Variants in VAT1L observed in about 807,000 individuals in gnomAD.
VAT1L encodes the protein putative NADPH-dependent quinone oxidoreductase VAT1L.
VAT1L carries 34 observed loss-of-function variants against 44.1 expected under a neutral mutation model. The observed-to-expected ratio is 0.77, with a 90% CI of 0.59 to 1.03. The LOEUF is 1.03. Ranked by LOEUF, VAT1L falls within the 50% of genes least tolerant of loss-of-function variation. The pLI, the probability that VAT1L is intolerant of heterozygous loss-of-function variation, is 0.00. For synonymous variants in VAT1L, 253 were observed against 202.2 expected, an observed-to-expected ratio of 1.25 and a Z score of -2.13; for missense variants, 615 against 538.8, an observed-to-expected ratio of 1.14 and a Z score of -1.40.
At position 77,884,740 on chromosome 16, in the gene VAT1L, A is replaced by G. The variant is rs1248976371; in HGVS notation, c.1015A>G (p.Ile339Val). 2 of 1,599,378 alleles carry G rather than the reference A, an allele frequency of 1.3e-6. No homozygotes were observed. The highest frequency in any genetic ancestry group is 2.7e-5 in the African/African-American group (2 of 74,304). Residue 339 changes from isoleucine (I) to valine (V), a missense_variant, in exon 7 of 9, where the codon ATA becomes GTA. By Grantham distance (29) the Ile-to-Val change is conservative. Transcript: ENST00000302536. The surrounding 1 kb of genome is among the most constrained non-coding windows in gnomAD (Gnocchi z 4.5). ...CATTCGGGGAGTGGTGGAAAAACTCATAGGGCTCTACAACCAGAAGAAGAT... is the reference window on the plus strand; with the variant it reads ...CATTCGGGGAGTGGTGGAAAAACTCGTAGGGCTCTACAACCAGAAGAAGAT... Reference protein sequence around the residue: ...GLIRGVVEKLIGLYNQKKIKP... With the variant: ...GLIRGVVEKLVGLYNQKKIKP...
rs1382694179 is a variant in VAT1L at position 77,859,646 on chromosome 16, T to C, written c.580-3102T>C. 2.0e-5 allele frequency among the ~76,000 whole-genome samples: 3 copies of C among 152,246 alleles called. No homozygotes were observed. In the South Asian group the frequency reaches 6.2e-4, roughly 32 times the overall value. On this transcript the variant is annotated intron_variant, in intron 3 of 8. Transcript: ENST00000302536. The stretch of plus-strand genomic sequence containing the variant: ...CAGGTCAGGTGGAGGAGTGTTGTCA[T>C]AGTCCAGGGTGAGAAATGTGATGAT...
chr16:77,960,970 G>C (rs2018154165), intron 7 of VAT1L, among the ~76,000 whole-genome samples: 1 of 152,076 alleles, frequency 6.6e-6, no homozygotes, highest in Admixed American at 6.5e-5. Context: ...GATGGCATGA[G>C]TTCAGCTCCA....
intron 7 of VAT1L, among the ~76,000 whole-genome samples, chr16:77,935,499 TAA>T (rs35559626): frequency 0.046 from 5,323 of 115,794 alleles, 115 homozygotes; most frequent in African/African-American, 0.072. Flanking sequence ...TGACGGTTTA[TAA>T]AAAAAAAAAA....
intron 1 of VAT1L, among the ~76,000 whole-genome samples, chr16:77,816,576 A>T (rs936195202): frequency 1.3e-5 from 2 of 152,206 alleles, no homozygotes; most frequent in Non-Finnish European, 2.9e-5. Context: ...AAGAACTCTG[A>T]TAGCCAGGCT....
At chr16:77,972,624 T>C (rs1322147860) in intron 8 of VAT1L, among the ~76,000 whole-genome samples, 1 of 151,772 alleles carries the variant, frequency 6.6e-6, no homozygotes, top group Non-Finnish European at 1.5e-5. Context: ...CTACTAAAAA[T>C]ACAAAAATTA....
intron 7 of VAT1L, among the ~76,000 whole-genome samples, chr16:77,890,922 GAAA>G (rs57157062): frequency 6.2e-5 from 8 of 129,140 alleles, no homozygotes; most frequent in Non-Finnish European, 1.0e-4. Context: ...AGACCCTGTC[GAAA>G]AAAAAAAAAA....
At chr16:77,939,141 T>C (rs1356918182) in intron 7 of VAT1L, among the ~76,000 whole-genome samples, 2 of 152,192 alleles carry the variant, frequency 1.3e-5, no homozygotes, top group Non-Finnish European at 2.9e-5. Flanking sequence ...CTTCCTCTGC[T>C]AGCTAAACAG....
At chr16:77,974,246 T>A (rs1001260943) in intron 8 of VAT1L, among the ~76,000 whole-genome samples, 7 of 151,938 alleles carry the variant, frequency 4.6e-5, no homozygotes, top group Admixed American at 4.6e-4. Flanking sequence ...GGATCCTGAG[T>A]CTCCTGTACA....
chr16:77,794,041 G>C (rs959941686), intron 1 of VAT1L, among the ~76,000 whole-genome samples: 34 of 152,196 alleles, frequency 2.2e-4, no homozygotes, highest in Admixed American at 1.5e-3. Flanking sequence ...AAGTGGAAGA[G>C]CCATGTGAAC....
At chr16:77,826,420 A>T (rs976275662) in intron 3 of VAT1L, among the ~76,000 whole-genome samples, 1 of 152,172 alleles carries the variant, frequency 6.6e-6, no homozygotes, top group Admixed American at 6.5e-5. Flanking sequence ...ATTAATTTGT[A>T]TTCTGCTATA....
chr16:77,907,597 T>C (rs1485915198), intron 7 of VAT1L, among the ~76,000 whole-genome samples: 2 of 146,354 alleles, frequency 1.4e-5, no homozygotes, highest in Admixed American at 1.4e-4. Context: ...CCCAGCACTC[T>C]ATTACTTCCA....
At chr16:77,964,367 T>C (rs1311994661) in intron 7 of VAT1L, among the ~76,000 whole-genome samples, 2 of 152,076 alleles carry the variant, frequency 1.3e-5, no homozygotes, top group African/African-American at 2.4e-5. Flanking sequence ...TAAGGGAGAA[T>C]TTATTTCCTT....
chr16:77,943,457 C>T (rs1165775424), intron 7 of VAT1L, among the ~76,000 whole-genome samples: 7 of 140,428 alleles, frequency 5.0e-5, no homozygotes, highest in East Asian at 4.4e-4. Flanking sequence ...TGGAGTGCAG[C>T]GGCACCATCA....
At chr16:77,891,368 C>A (rs192740438) in intron 7 of VAT1L, among the ~76,000 whole-genome samples, 5,335 of 151,870 alleles carry the variant, frequency 0.035, 327 homozygotes, top group African/African-American at 0.12. Context: ...AACAAACAAA[C>A]AAAAAAATTC....
intron 4 of VAT1L, among the ~76,000 whole-genome samples, chr16:77,873,200 C>A (rs941838176): frequency 7.2e-5 from 11 of 152,206 alleles, no homozygotes; most frequent in Non-Finnish European, 1.3e-4. Context: ...AAAAGGCCAT[C>A]ATCTCTGGAG....
intron 3 of VAT1L, among the ~76,000 whole-genome samples, chr16:77,830,583 T>A (rs1048884780): frequency 6.6e-5 from 10 of 152,240 alleles, no homozygotes; most frequent in African/African-American, 2.4e-4. Context: ...GCACAAGCTC[T>A]CTTCCCTGCT....
At chr16:77,828,271 A>G (rs963778734) in intron 3 of VAT1L, among the ~76,000 whole-genome samples, 4 of 152,210 alleles carry the variant, frequency 2.6e-5, no homozygotes, top group Admixed American at 6.5e-5. Context: ...TTACCTGGCA[A>G]AAGGAACTTT....
At chr16:77,823,349 C>G (rs1356308511) in intron 2 of VAT1L, among the ~76,000 whole-genome samples, 3 of 152,152 alleles carry the variant, frequency 2.0e-5, no homozygotes, top group Non-Finnish European at 4.4e-5. Flanking sequence ...AGATTTTCCT[C>G]TAAGCCCTAT....
In VAT1L at chr16:77,862,800, G is replaced by T; in HGVS notation, c.632G>T (p.Gly211Val). 1 of 1,613,960 alleles carries T rather than the reference G, an allele frequency of 6.2e-7. No individual in the cohort carries two copies. The highest frequency in any genetic ancestry group is 8.5e-7 in the Non-Finnish European group (1 of 1,179,994). Residue 211 changes from glycine (G) to valine (V), a missense_variant, in exon 4 of 9, where the codon GGA becomes GTA. Transcript: ENST00000302536. The part of the protein sequence containing the change: ...CSTVPNVTVF[G>V]TASTFKHEAI... ...ACTGTCCCCAACGTGACTGTCTTTG[G>T]AACAGCCTCTACTTTCAAGCATGAA...
Sources: gnomAD v4.1 joint callset for allele counts (sites outside exome capture counted in the v4.1 genomes callset) on GRCh38, gnomAD v4.1.1 for gene constraint, Gnocchi (gnomAD v3.1) non-coding constraint, MANE v1.5 for transcripts, NCBI Gene and HGNC (gene_info 2026-07-23, HGNC 2026-07-21) for gene names.